IFNLR1: variants seen among roughly 807,000 people sequenced by gnomAD.
IFNLR1 encodes the protein CRF2-12.
Under a neutral mutation model 52.5 loss-of-function variants are expected in IFNLR1, and 28 were observed. That is an observed-to-expected ratio of 0.53 (90% CI 0.40 to 0.73). IFNLR1 has a LOEUF of 0.73. Ranked by LOEUF, IFNLR1 falls within the 30% of genes least tolerant of loss-of-function variation. The pLI is 0.00. For synonymous variants in IFNLR1, 276 were observed against 274.9 expected (o/e 1.00, Z -0.04); for missense variants, 623 against 659.1 (o/e 0.95, Z 0.60).
At chr1:24,177,786 G>A (rs1644648011) in intron 2 of IFNLR1, among the ~76,000 whole-genome samples, 1 of 152,174 alleles carries the variant, frequency 6.6e-6, no homozygotes, top group Admixed American at 6.5e-5. Flanking sequence ...ACTATTAAGA[G>A]GCAAGTATGT....
chr1:24,166,873 G>A (rs1644526011), intron 3 of IFNLR1, among the ~76,000 whole-genome samples: 1 of 152,130 alleles, frequency 6.6e-6, no homozygotes, highest in African/African-American at 2.4e-5. Context: ...CACAGTGCCT[G>A]GCCTGTGATG....
At chr1:24,170,260 T>C (rs1644566133) in intron 2 of IFNLR1, among the ~76,000 whole-genome samples, 1 of 152,252 alleles carries the variant, frequency 6.6e-6, no homozygotes, top group East Asian at 1.9e-4. Flanking sequence ...TTAATTGCTA[T>C]TATTTATTAA....
Position 24,159,652 on chromosome 1 carries a change from G to GA in IFNLR1, c.511-20dup. On this transcript the variant is annotated intron_variant, in intron 4 of 6. Transcript: ENST00000327535. ...ATAGGGTCTGTTTGGAAAAGAAGCA[G>GA]AGAGTGGCAGAGCTGCTGTGGGGAC... The GA allele has an allele frequency of 6.2e-7, 1 of 1,613,106 alleles. No homozygotes were observed. The highest frequency in any genetic ancestry group is 1.3e-5 in the African/African-American group (1 of 74,994).
chr1:24,166,192 TC>T (rs1179698581), intron 3 of IFNLR1, among the ~76,000 whole-genome samples: 1 of 151,734 alleles, frequency 6.6e-6, no homozygotes, highest in African/African-American at 2.4e-5. Flanking sequence ...CATCCATCCA[TC>T]CATCCATCCA....
chr1:24,169,559 C>T lies in IFNLR1; in HGVS notation c.225G>A (p.Ala75=), dbSNP rs201766459. 2.3e-4 allele frequency: 369 copies of T among 1,614,134 alleles called. No homozygotes were observed. Among genetic ancestry groups the T allele is most frequent in the South Asian group, 6.9e-4 (63 of 91,070 alleles). Residue 75 remains alanine (A), a synonymous_variant, in exon 3 of 7, where the codon GCG becomes GCA. Coordinates refer to ENST00000327535, the MANE Select transcript of IFNLR1 (RefSeq NM_170743.4). ...RRRWREVEEC[A]GTKELLCSMM... ...TAGAACATAGCAGCTCCTTGGTTCCCGCACACTCTTCCACTTCGCGCCACC... is the reference window on the plus strand; with the variant it reads ...TAGAACATAGCAGCTCCTTGGTTCCTGCACACTCTTCCACTTCGCGCCACC...
chr1:24,166,139 G>A (rs951341946), intron 3 of IFNLR1, among the ~76,000 whole-genome samples: 1 of 151,960 alleles, frequency 6.6e-6, no homozygotes, highest in Non-Finnish European at 1.5e-5. Flanking sequence ...TCTAGCCAGA[G>A]AGCCTTCCTG....
intron 2 of IFNLR1, among the ~76,000 whole-genome samples, chr1:24,173,596 C>CTCCT (rs2148598142): frequency 7.9e-6 from 1 of 126,232 alleles, no homozygotes; most frequent in South Asian, 2.2e-4. Flanking sequence ...CATTTTTCTT[C>CTCCT]TCCCTCCCTC....
At chr1:24,175,974 G>T (rs1022166457) in intron 2 of IFNLR1, among the ~76,000 whole-genome samples, 1 of 151,916 alleles carries the variant, frequency 6.6e-6, no homozygotes, top group Admixed American at 6.6e-5. Context: ...CTGTTGGGAG[G>T]GGGTGAATGT....
Position 24,156,946 on chromosome 1 carries a change from C to T in IFNLR1, c.*184G>A, listed in dbSNP as rs1220843620. ...AGCTCAGCCTAAAGAGGGCGGGTCA[C>T]AGGAGGGAGGGGCATCTTGTTGCTC... On this transcript the variant is annotated 3_prime_UTR_variant, in exon 7 of 7. Transcript: ENST00000327535. 4 of 649,354 alleles carry T rather than the reference C, an allele frequency of 6.2e-6. No homozygotes were observed. The highest frequency in any genetic ancestry group is 1.1e-5 in the Non-Finnish European group (4 of 380,492). The allele number at this position is 649,354 out of a possible 1,614,324, so 40.2% of individuals were successfully genotyped here.
Position 24,161,668 on chromosome 1 carries a change from A to G in IFNLR1, c.384T>C (p.Pro128=). 6.6e-7 allele frequency: 1 copy of G among 1,511,400 alleles called. No homozygotes were observed. Among genetic ancestry groups the G allele is most frequent in the South Asian group, 1.3e-5 (1 of 77,300 alleles). The allele number at this position is 1,511,400 out of a possible 1,614,324, so 93.6% of individuals were successfully genotyped here. ...DYLFEVEPAP[P]VLVLTQTEEI... ...CCTCCGTCTGGGTGAGCACCAGGAC[A>G]GGTGGGGCCGGCTCCACTGCAGAAA... Residue 128 remains proline, a synonymous_variant, in exon 4 of 7, where the codon CCT becomes CCC. Transcript: ENST00000327535.
intron 2 of IFNLR1, among the ~76,000 whole-genome samples, chr1:24,176,170 A>G (rs139507368): frequency 6.6e-5 from 10 of 152,296 alleles, no homozygotes; most frequent in African/African-American, 2.4e-4. Context: ...GGAATTAACT[A>G]CTGATACATG....
rs1463992092 is a variant in IFNLR1 at position 24,183,362 on chromosome 1, T to C, written c.59-2508A>G. ...CCTGTAATCCCAGCACTTTGGGACA[T>C]CGAGGCAGGAGAATCATTTGAGACC... On this transcript the variant is annotated intron_variant, in intron 1 of 6. Transcript: ENST00000327535. Among the ~76,000 whole-genome samples, 6 of 151,656 alleles carry C rather than the reference T, an allele frequency of 4.0e-5. No individual in the cohort carries two copies. The East Asian group carries it at 1.2e-3, about 29-fold the overall frequency.
chr1:24,171,839 A>G (rs747590518), intron 2 of IFNLR1, among the ~76,000 whole-genome samples: 1 of 152,022 alleles, frequency 6.6e-6, no homozygotes, highest in Non-Finnish European at 1.5e-5. Context: ...ATATTTTAGT[A>G]GAGATGGGGT....
chr1:24,187,135 GCGGCC>G, intron 1 of IFNLR1, 51 bp downstream of exon 1: 1 of 1,196,758 alleles, frequency 8.4e-7, no homozygotes. Context: ...GAGGGTAGGC[GCGGCC>G]CGGCCCGGGG....
At chr1:24,162,787 T>TTTC in intron 3 of IFNLR1, among the ~76,000 whole-genome samples, 2 of 61,916 alleles carry the variant, frequency 3.2e-5, no homozygotes, top group Non-Finnish European at 6.9e-5. Context: ...TTTTTCTTTC[T>TTTC]TTTTCTTTCT....
intron 3 of IFNLR1, among the ~76,000 whole-genome samples, chr1:24,169,122 G>A (rs1161947313): frequency 6.6e-6 from 1 of 152,256 alleles, no homozygotes; most frequent in East Asian, 1.9e-4. Context: ...AGTGCCTTGT[G>A]TAGTCCATGA....
At chr1:24,181,737 T>C (rs1644692558) in intron 1 of IFNLR1, among the ~76,000 whole-genome samples, 2 of 152,104 alleles carry the variant, frequency 1.3e-5, no homozygotes, top group Non-Finnish European at 2.9e-5. Flanking sequence ...TTTCCCTGGG[T>C]TGCTGGGAAC....
Position 24,163,579 on chromosome 1 carries a change from C to CT in IFNLR1, c.368-1896dup, listed in dbSNP as rs78681512. Among the ~76,000 whole-genome samples, 181 of 50,978 alleles carry CT rather than the reference C, an allele frequency of 3.6e-3. 2 individuals carry two copies. Among genetic ancestry groups the CT allele is most frequent in the East Asian group, 0.014 (42 of 2,950 alleles). The allele number at this position is 50,978 out of a possible 152,430, so 33.4% of individuals were successfully genotyped here. On this transcript the variant is annotated intron_variant, in intron 3 of 6. Coordinates refer to ENST00000327535, the MANE Select transcript of IFNLR1 (RefSeq NM_170743.4). ...CCCCACCCAAAATCCACATCTCTTT[C>CT]TTTTTTCTTTTTTTTTTTAGATGGA...
rs1224927015 is a variant in IFNLR1, at chr1:24,155,448, T to A, written c.*1682A>T. Reference sequence around the variant, plus strand: ...CTCAGCTCCTTTGCAACAAAAGGAGTGGTTTGCTAACTTTTTCTTGAGTAG... The same window carrying A: ...CTCAGCTCCTTTGCAACAAAAGGAGAGGTTTGCTAACTTTTTCTTGAGTAG... On this transcript the variant is annotated 3_prime_UTR_variant, in exon 7 of 7. Transcript: ENST00000327535. 1.3e-5 allele frequency: 2 copies of A among 151,832 alleles called. No individual in the cohort carries two copies. Among genetic ancestry groups the A allele is most frequent in the East Asian group, 3.9e-4 (2 of 5,176 alleles). The allele number at this position is 151,832 out of a possible 1,614,324, so 9.4% of individuals were successfully genotyped here.
Sources: gnomAD v4.1 joint callset for allele counts (sites outside exome capture counted in the v4.1 genomes callset) on GRCh38, gnomAD v4.1.1 for gene constraint, MANE v1.5 for transcripts, NCBI Gene and HGNC (gene_info 2026-07-23, HGNC 2026-07-21) for gene names.